The following CSMD3 variants were observed in gnomAD, a reference collection of about 807,000 sequenced individuals.
The protein encoded by CSMD3 is CUB and Sushi multiple domains 3, also known as CUB and sushi domain-containing protein 3.
Under a neutral mutation model 435.2 loss-of-function variants are expected in CSMD3, and 177 were observed. The ratio of observed to expected loss-of-function variants is 0.41; its 90% CI spans 0.36 to 0.46. CSMD3 has a LOEUF of 0.46. Among genes scored for constraint, CSMD3 ranks in the 20% least tolerant of loss-of-function variants. The pLI is 0.34. For missense variants in CSMD3, 4,265 were observed against 4,504.6 expected, an observed-to-expected ratio of 0.95 and a Z score of 1.52; for synonymous variants, 1,656 against 1,520.5, an observed-to-expected ratio of 1.09 and a Z score of -2.07.
chr8:112,849,406 T>C (rs1422202096), intron 11 of CSMD3, among the ~76,000 whole-genome samples: 1 of 152,012 alleles, frequency 6.6e-6, no homozygotes, highest in Non-Finnish European at 1.5e-5. Flanking sequence ...TTCTTTACAT[T>C]ATATGGAAGA....
intron 27 of CSMD3, among the ~76,000 whole-genome samples, chr8:112,531,377 C>G (rs537179973): frequency 6.6e-6 from 1 of 151,870 alleles, no homozygotes; most frequent in Non-Finnish European, 1.5e-5. Context: ...AGCAGTCAGG[C>G]CATGATTATG....
chr8:112,817,110 T>C (rs2079395986), intron 12 of CSMD3, among the ~76,000 whole-genome samples: 2 of 152,264 alleles, frequency 1.3e-5, no homozygotes, highest in South Asian at 2.1e-4. Flanking sequence ...GGTGTCTTAA[T>C]AGAAGATATT....
chr8:113,258,495 T>C (rs186668003), intron 3 of CSMD3, among the ~76,000 whole-genome samples: 5 of 152,274 alleles, frequency 3.3e-5, no homozygotes, highest in East Asian at 1.9e-4. Context: ...ATCTGGCCAA[T>C]TGGATATAAG....
intron 35 of CSMD3, among the ~76,000 whole-genome samples, chr8:112,393,008 G>A (rs746943524): frequency 6.6e-6 from 1 of 151,520 alleles, no homozygotes; most frequent in Non-Finnish European, 1.5e-5. Flanking sequence ...TAGGACTACA[G>A]GTGTGTGCCA....
At chr8:113,276,967 T>A (rs146803535) in intron 3 of CSMD3, among the ~76,000 whole-genome samples, 2 of 152,000 alleles carry the variant, frequency 1.3e-5, no homozygotes, top group African/African-American at 4.8e-5. Context: ...ATGAAAATAT[T>A]TTTTAGTATG....
intron 3 of CSMD3, among the ~76,000 whole-genome samples, chr8:113,264,942 T>C (rs1453484321): frequency 6.6e-6 from 1 of 151,596 alleles, no homozygotes; most frequent in Non-Finnish European, 1.5e-5. Flanking sequence ...TTAACAAGCA[T>C]TTATTAAGTG....
intron 3 of CSMD3, among the ~76,000 whole-genome samples, chr8:113,210,588 A>G (rs2092822529): frequency 6.6e-6 from 1 of 152,048 alleles, no homozygotes; most frequent in African/African-American, 2.4e-5. Context: ...ATTGAATCTT[A>G]GAAAGGCTGT....
chr8:113,090,986 T>G lies in CSMD3; in HGVS notation c.917+7770A>C, dbSNP rs578009332. Among the ~76,000 whole-genome samples the G allele has an allele frequency of 2.2e-4, 34 of 152,114 alleles. 2 individuals are homozygous for G. The highest frequency in any genetic ancestry group is 1.7e-3 in the South Asian group (8 of 4,814). ...TTAGAAACTATTAGAAAAAAATACA[T>G]AGAGAGAGTTCAATTTCTGGTCACT... On this transcript the variant is annotated intron_variant, in intron 5 of 70. Coordinates refer to ENST00000297405, the MANE Select transcript of CSMD3 (RefSeq NM_198123.2).
rs2130947971 is a variant in CSMD3 at position 112,335,410 on chromosome 8, C to G, written c.7084G>C (p.Val2362Leu). 2 of 1,613,930 alleles carry G rather than the reference C, an allele frequency of 1.2e-6. No individual in the cohort carries two copies. Among genetic ancestry groups the G allele is most frequent in the Non-Finnish European group, 1.7e-6 (2 of 1,179,874 alleles). ...AGAATCTGATTTGAAGTACTGTAGACTGATTCCAAAGCGGTATTGCCACTG... is the reference window on the plus strand; with the variant it reads ...AGAATCTGATTTGAAGTACTGTAGAGTGATTCCAAAGCGGTATTGCCACTG... ...QFSGNTALES[V>L]YSTSNQILIK... Residue 2362 changes from valine (V) to leucine (L), a missense_variant, in exon 45 of 71, where the codon GTC (valine) becomes CTC (leucine). Physicochemically the swap from Val to Leu is conservative, Grantham distance 32 (BLOSUM62 1). Around this residue, in one of 3 missense-constraint regions of CSMD3, gnomAD observed 3,255 missense variants for 3,380.2 expected, o/e 0.96. Transcript: ENST00000297405.
chr8:113,101,951 T>C (rs932015077), intron 4 of CSMD3, among the ~76,000 whole-genome samples: 1 of 152,150 alleles, frequency 6.6e-6, no homozygotes, highest in Non-Finnish European at 1.5e-5. Context: ...TCTGTAATTA[T>C]GAATTCATAG....
At chr8:113,426,142 G>A (rs996880595) in intron 1 of CSMD3, among the ~76,000 whole-genome samples, 4 of 151,264 alleles carry the variant, frequency 2.6e-5, no homozygotes, top group East Asian at 1.9e-4. Context: ...TGCATATGCA[G>A]CCTTTAGCAA....
chr8:112,232,684 T>C (rs957940102), intron 68 of CSMD3, among the ~76,000 whole-genome samples: 2 of 152,180 alleles, frequency 1.3e-5, no homozygotes, highest in African/African-American at 2.4e-5. Context: ...AACCACTGAA[T>C]TGGACATTTT....
At chr8:112,770,597 T>G (rs986694208) in intron 13 of CSMD3, among the ~76,000 whole-genome samples, 4 of 152,030 alleles carry the variant, frequency 2.6e-5, no homozygotes, top group Non-Finnish European at 5.9e-5. Context: ...TAAAATGTAC[T>G]GAAAATATTA....
intron 59 of CSMD3, among the ~76,000 whole-genome samples, chr8:112,273,002 T>A (rs1563721431): frequency 6.6e-6 from 1 of 152,210 alleles, no homozygotes. Flanking sequence ...AACACTTAAA[T>A]TATTTTATGC....
At chr8:112,990,614 T>G (rs765429318) in intron 6 of CSMD3, among the ~76,000 whole-genome samples, 1 of 151,950 alleles carries the variant, frequency 6.6e-6, no homozygotes, top group Non-Finnish European at 1.5e-5. Flanking sequence ...AACAGAGGCC[T>G]GTATTGTAAA....
At chr8:112,516,682 G>T (rs1205800969) in intron 28 of CSMD3, among the ~76,000 whole-genome samples, 1 of 152,084 alleles carries the variant, frequency 6.6e-6, no homozygotes, top group East Asian at 1.9e-4. Flanking sequence ...AACCATTTTA[G>T]AGACAAGATC....
At chr8:112,538,074 G>T (rs938040681) in intron 27 of CSMD3, among the ~76,000 whole-genome samples, 1 of 151,702 alleles carries the variant, frequency 6.6e-6, no homozygotes, top group African/African-American at 2.4e-5. Context: ...CTCATTAGCA[G>T]AATCATGGAC....
chr8:112,998,518 T>C (rs931059883), intron 6 of CSMD3, among the ~76,000 whole-genome samples: 8 of 151,998 alleles, frequency 5.3e-5, no homozygotes, highest in African/African-American at 1.9e-4. Context: ...CTTCACATTC[T>C]TCTCTTCCCT....
chr8:112,565,940 T>C lies in CSMD3; in HGVS notation c.4042+7561A>G, dbSNP rs185155719. Among the ~76,000 whole-genome samples the C allele has an allele frequency of 4.4e-3, 670 of 151,648 alleles. 2 individuals carry two copies. The highest frequency in any genetic ancestry group is 0.016 in the African/African-American group (646 of 41,416). Reference sequence around the variant, plus strand: ...ATAGCAGGAATAAGTCTTTCCCCGATAGTAAATGTAACAAAAATAAAAAAA... The same window carrying C: ...ATAGCAGGAATAAGTCTTTCCCCGACAGTAAATGTAACAAAAATAAAAAAA... On this transcript the variant is annotated intron_variant, in intron 24 of 70. Coordinates refer to ENST00000297405, the MANE Select transcript of CSMD3 (RefSeq NM_198123.2).
Sources: gnomAD v4.1 joint callset for allele counts (sites outside exome capture counted in the v4.1 genomes callset) on GRCh38, gnomAD v4.1.1 for gene constraint, gnomAD v4.1.1 regional missense constraint, MANE v1.5 for transcripts, NCBI Gene and HGNC (gene_info 2026-07-23, HGNC 2026-07-21) for gene names.